Variants in PTPRT observed in about 807,000 individuals in gnomAD.
PTPRT encodes protein tyrosine phosphatase receptor type T.
PTPRT carries 56 observed loss-of-function variants against 176.8 expected under a neutral mutation model. The observed-to-expected ratio is 0.32, with a 90% CI of 0.26 to 0.40. The LOEUF (loss-of-function observed/expected upper bound fraction) is 0.40, where lower values mean the gene tolerates loss of function less well. PTPRT is among the 10% of genes least tolerant of loss of function. The probability of loss-of-function intolerance (pLI) is 1.00; values close to 1 mark genes in which losing one functional copy is unlikely to be tolerated. For missense variants in PTPRT, 1,540 were observed against 1,908.2 expected (o/e 0.81, Z 3.60); for synonymous variants, 783 against 739.0 (o/e 1.06, Z -0.96).
intron 27 of PTPRT, among the ~76,000 whole-genome samples, chr20:42,096,703 C>T (rs1026515095): frequency 1.3e-5 from 2 of 152,076 alleles, no homozygotes; most frequent in African/African-American, 4.8e-5. Flanking sequence ...CCCGCCTCAG[C>T]CTCCTGAGTA....
At chr20:42,592,090 C>T (rs998435435) in intron 7 of PTPRT, among the ~76,000 whole-genome samples, 3 of 150,430 alleles carry the variant, frequency 2.0e-5, no homozygotes, top group African/African-American at 7.4e-5. Flanking sequence ...CGCCATTCTC[C>T]TGCCTCAGCC....
chr20:42,234,395 C>T (rs1436211780), intron 15 of PTPRT, among the ~76,000 whole-genome samples: 1 of 152,228 alleles, frequency 6.6e-6, no homozygotes, highest in South Asian at 2.1e-4. Flanking sequence ...CCCAGAGCTG[C>T]GTCACTCCTG....
intron 1 of PTPRT, among the ~76,000 whole-genome samples, chr20:42,958,788 C>T (rs1361353872): frequency 6.6e-6 from 1 of 152,094 alleles, no homozygotes; most frequent in Non-Finnish European, 1.5e-5. Context: ...TATTGTCACC[C>T]AACCCTTCAC....
At chr20:42,555,905 A>C (rs115605272) in intron 7 of PTPRT, among the ~76,000 whole-genome samples, 1,728 of 152,282 alleles carry the variant, frequency 0.011, 37 homozygotes, top group African/African-American at 0.04. Flanking sequence ...TGAGCAAGGA[A>C]AAAACAAGTT....
At chr20:42,785,671 G>A (rs935982486) in intron 3 of PTPRT, among the ~76,000 whole-genome samples, 3 of 152,346 alleles carry the variant, frequency 2.0e-5, no homozygotes, top group Admixed American at 2.0e-4. Flanking sequence ...CAATGAGGCT[G>A]TAGTAGCCAA....
At chr20:42,536,002 A>G (rs1436036036) in intron 7 of PTPRT, among the ~76,000 whole-genome samples, 2 of 152,242 alleles carry the variant, frequency 1.3e-5, no homozygotes, top group African/African-American at 2.4e-5. Flanking sequence ...TGAGGACTCA[A>G]TAAGATCGGC....
chr20:42,598,540 A>C (rs747266906), intron 7 of PTPRT, among the ~76,000 whole-genome samples: 3 of 152,224 alleles, frequency 2.0e-5, no homozygotes, highest in Non-Finnish European at 4.4e-5. Context: ...ATTTTAATAG[A>C]GGCTAGATAG....
At chr20:42,238,761 G>T (rs2056294400) in intron 14 of PTPRT, among the ~76,000 whole-genome samples, 1 of 152,126 alleles carries the variant, frequency 6.6e-6, no homozygotes, top group Non-Finnish European at 1.5e-5. Context: ...CACCAAGGTG[G>T]ATGGCATAGA....
At chr20:42,594,455 T>C (rs1429705377) in intron 7 of PTPRT, among the ~76,000 whole-genome samples, 1 of 152,212 alleles carries the variant, frequency 6.6e-6, no homozygotes, top group African/African-American at 2.4e-5. Context: ...CAGAAAAGAA[T>C]GTTGCCAATA....
intron 6 of PTPRT, among the ~76,000 whole-genome samples, chr20:42,679,101 TC>T (rs2075558198): frequency 6.6e-6 from 1 of 152,166 alleles, no homozygotes; most frequent in Admixed American, 6.5e-5. Flanking sequence ...CCACCTCTCT[TC>T]CACTGAGTTC....
At chr20:43,158,792 T>A (rs2014601910) in intron 1 of PTPRT, among the ~76,000 whole-genome samples, 1 of 152,148 alleles carries the variant, frequency 6.6e-6, no homozygotes, top group Non-Finnish European at 1.5e-5. Context: ...AGAAGAAGAA[T>A]CTTGGCTCTA....
chr20:42,822,399 C>A (rs2077910766), intron 2 of PTPRT, among the ~76,000 whole-genome samples: 1 of 152,064 alleles, frequency 6.6e-6, no homozygotes, highest in South Asian at 2.1e-4. Context: ...GAAAAATTAT[C>A]TCAAGATAGA....
intron 1 of PTPRT, among the ~76,000 whole-genome samples, chr20:43,184,481 G>A (rs542633669): frequency 8.5e-5 from 13 of 152,272 alleles, no homozygotes; most frequent in African/African-American, 2.9e-4. Context: ...AAGATCGAGG[G>A]ATTGAGACCA....
chr20:42,605,937 C>A (rs1370068584), intron 7 of PTPRT, among the ~76,000 whole-genome samples: 1 of 152,198 alleles, frequency 6.6e-6, no homozygotes, highest in Non-Finnish European at 1.5e-5. Context: ...CACGATCCTT[C>A]ATGAGCCTGA....
intron 27 of PTPRT, among the ~76,000 whole-genome samples, chr20:42,088,747 G>C (rs1600478818): frequency 6.6e-6 from 1 of 152,162 alleles, no homozygotes; most frequent in South Asian, 2.1e-4. Context: ...CATATAGCCT[G>C]CAAAACCTGA....
chr20:42,288,453 C>T (rs989245094), intron 12 of PTPRT, among the ~76,000 whole-genome samples: 1 of 151,912 alleles, frequency 6.6e-6, no homozygotes, highest in East Asian at 1.9e-4. Context: ...GAACCCATCA[C>T]CCAAAGAGTG....
intron 1 of PTPRT, among the ~76,000 whole-genome samples, chr20:43,002,784 T>C (rs1384463696): frequency 6.6e-6 from 1 of 152,010 alleles, no homozygotes; most frequent in African/African-American, 2.4e-5. Flanking sequence ...AATAAAATGT[T>C]AATTATTTAA....
chr20:42,974,869 C>T (rs1027681598), intron 1 of PTPRT, among the ~76,000 whole-genome samples: 5 of 152,162 alleles, frequency 3.3e-5, no homozygotes, highest in Non-Finnish European at 7.4e-5. Flanking sequence ...GCATTCGTTC[C>T]AAATCAGAAA....
chr20:42,959,176 G>A (rs1293241900), intron 1 of PTPRT, among the ~76,000 whole-genome samples: 1 of 152,108 alleles, frequency 6.6e-6, no homozygotes, highest in Non-Finnish European at 1.5e-5. Flanking sequence ...TTTTCTATGT[G>A]AGCTTTCTTA....
Sources: allele counts gnomAD v4.1 joint callset (sites outside exome capture counted in the v4.1 genomes callset), GRCh38; gene constraint gnomAD v4.1.1; transcripts MANE v1.5; gene names NCBI Gene and HGNC (gene_info 2026-07-23, HGNC 2026-07-21).